Variants in TNRC6B observed in about 807,000 individuals in gnomAD.
TNRC6B encodes trinucleotide repeat containing adaptor 6B.
TNRC6B carries 52 observed loss-of-function variants against 203.6 expected under a neutral mutation model. The observed-to-expected ratio is 0.26, with a 90% CI of 0.20 to 0.32. The LOEUF is 0.32. Ranked by LOEUF, TNRC6B falls within the 10% of genes least tolerant of loss-of-function variation. TNRC6B has a pLI of 1.00. For synonymous variants in TNRC6B, 838 were observed against 845.7 expected (o/e 0.99, Z 0.16); for missense variants, 1,923 against 2,286.2 (o/e 0.84, Z 3.24).
At chr22:40,074,186 C>G (rs555199039) in intron 1 of TNRC6B, among the ~76,000 whole-genome samples, 1 of 146,316 alleles carries the variant, frequency 6.8e-6, no homozygotes, top group East Asian at 2.0e-4. Flanking sequence ...GAGCTGAGAT[C>G]ACACCACTGC....
intron 2 of TNRC6B, among the ~76,000 whole-genome samples, chr22:40,124,684 C>T (rs192328880): frequency 6.6e-6 from 1 of 151,918 alleles, no homozygotes. Flanking sequence ...ATATTCATAC[C>T]TGTATTATAA....
rs758870418 is a variant in TNRC6B, at chr22:40,321,206, C to T, written c.5091C>T (p.Ala1697=). ...LIRYSTKQEA[A]KAQTALHMCV... Reference sequence around the variant, plus strand: ...GATACAGCACCAAACAGGAGGCGGCCAAGGCCCAAACTGCACTGCACATGT... The same window carrying T: ...GATACAGCACCAAACAGGAGGCGGCTAAGGCCCAAACTGCACTGCACATGT... The change falls in exon 22 of 23, where the codon GCC becomes GCT. Residue 1697 remains alanine, a synonymous_variant. Transcript: ENST00000454349. 6.2e-7 allele frequency: 1 copy of T among 1,613,950 alleles called. No individual in the cohort carries two copies.
intron 19 of TNRC6B, among the ~76,000 whole-genome samples, chr22:40,314,953 G>A (rs907241365): frequency 6.6e-6 from 1 of 152,170 alleles, no homozygotes; most frequent in African/African-American, 2.4e-5. Flanking sequence ...TTACCCAGAA[G>A]CTGGTATCTT....
At position 40,323,323 on chromosome 22, in the gene TNRC6B, A is replaced by C; in HGVS notation, c.*82A>C. ...CTTGACCTTTTCGTTTTTTTTTTCA[A>C]CTTGCAATAAATACATTTTTAAAAG... On this transcript the variant is annotated 3_prime_UTR_variant, in exon 23 of 23. Transcript: ENST00000454349. The C allele has an allele frequency of 6.9e-7, 1 of 1,452,578 alleles. No homozygotes were observed. The allele number at this position is 1,452,578 out of a possible 1,614,324, so 90.0% of individuals were successfully genotyped here. A position where few individuals can be genotyped will look rare whatever the true frequency, so the allele number is the denominator to read the frequency against.
intron 4 of TNRC6B, among the ~76,000 whole-genome samples, chr22:40,262,964 C>T (rs547643541): frequency 6.6e-6 from 1 of 151,740 alleles, no homozygotes; most frequent in East Asian, 1.9e-4. Context: ...GGCGTCAACC[C>T]AGGAGGCGGA....
intron 5 of TNRC6B, among the ~76,000 whole-genome samples, chr22:40,269,484 CT>C (rs1289806644): frequency 6.6e-6 from 1 of 152,162 alleles, no homozygotes; most frequent in East Asian, 1.9e-4. Context: ...AACCAGTCCC[CT>C]TGTGGTGGAT....
At chr22:40,126,580 A>ATTTTTTTTTTTTTTTTTTTTTTTTT in intron 3 of TNRC6B, among the ~76,000 whole-genome samples, 1 of 88,784 alleles carries the variant, frequency 1.1e-5, no homozygotes, top group Non-Finnish European at 2.2e-5. Flanking sequence ...ACGTTATTTA[A>ATTTTTTTTTTTTTTTTTTTTTTTTT]TTTTTTTTTT....
chr22:40,182,018 AG>A (rs1227049666), intron 1 of TNRC6B, among the ~76,000 whole-genome samples: 2 of 150,616 alleles, frequency 1.3e-5, no homozygotes, highest in Non-Finnish European at 3.0e-5. Context: ...GGTCGAGGTG[AG>A]TGGATACGAG....
In TNRC6B at chr22:40,266,445, A is replaced by G; in HGVS notation, c.2215A>G (p.Asn739Asp). Residue 739 changes from asparagine to aspartate, a missense_variant, in exon 5 of 23, where the codon AAT becomes GAT. By Grantham distance (23) the Asn-to-Asp change is conservative. This residue lies in a region of TNRC6B where 599 missense variants were observed against 656.5 expected (regional missense o/e 0.91). Coordinates refer to ENST00000454349, the MANE Select transcript of TNRC6B (RefSeq NM_001162501.2). Reference protein sequence around the residue: ...DQGWGGGRQPNQGWSSGKNGW... With the variant: ...DQGWGGGRQPDQGWSSGKNGW... Reference sequence around the variant, plus strand: ...GGGGTGGGGAGGTGGACGCCAGCCCAATCAAGGATGGTCTTCTGGAAAGAA... The same window carrying G: ...GGGGTGGGGAGGTGGACGCCAGCCCGATCAAGGATGGTCTTCTGGAAAGAA... 2 of 1,613,868 alleles carry G rather than the reference A, an allele frequency of 1.2e-6. No individual in the cohort carries two copies. The highest frequency in any genetic ancestry group is 8.5e-7 in the Non-Finnish European group (1 of 1,179,826).
At chr22:40,151,239 C>T (rs2068749940) in intron 3 of TNRC6B, among the ~76,000 whole-genome samples, 1 of 151,704 alleles carries the variant, frequency 6.6e-6, no homozygotes, top group Admixed American at 6.6e-5. Flanking sequence ...CCACTGCACT[C>T]CAGCTTGGGC....
At chr22:40,124,877 G>A (rs1351916038) in intron 2 of TNRC6B, among the ~76,000 whole-genome samples, 2 of 151,964 alleles carry the variant, frequency 1.3e-5, no homozygotes, top group Non-Finnish European at 2.9e-5. Flanking sequence ...GCCGGGTGTG[G>A]TGGCAGGCGC....
intron 1 of TNRC6B, among the ~76,000 whole-genome samples, chr22:40,067,691 A>G (rs534732715): frequency 7.2e-5 from 11 of 152,272 alleles, no homozygotes; most frequent in Non-Finnish European, 1.6e-4. Flanking sequence ...TCTGATGTTC[A>G]AGAGCAGGAG....
At chr22:40,254,801 C>T (rs947364428) in intron 3 of TNRC6B, among the ~76,000 whole-genome samples, 2 of 152,102 alleles carry the variant, frequency 1.3e-5, no homozygotes, top group African/African-American at 2.4e-5. Flanking sequence ...GCAGGAGAAT[C>T]GCTTGAACCT....
At chr22:40,144,177 AAACG>A (rs1322843483) in intron 3 of TNRC6B, among the ~76,000 whole-genome samples, 1 of 152,240 alleles carries the variant, frequency 6.6e-6, no homozygotes, top group Non-Finnish European at 1.5e-5. Context: ...AAATAATGTT[AAACG>A]AACTTCCACC....
At chr22:40,054,314 T>C (rs1341959910) in intron 1 of TNRC6B, among the ~76,000 whole-genome samples, 1 of 152,178 alleles carries the variant, frequency 6.6e-6, no homozygotes, top group Non-Finnish European at 1.5e-5. Context: ...TCTGCCAGCG[T>C]CCCCTGCCTC....
At position 40,047,418 on chromosome 22, in the gene TNRC6B, A is replaced by G. The variant is rs144307587; in HGVS notation, c.-121+2420A>G. The stretch of plus-strand genomic sequence containing the variant: ...GGAGTTGGAGACCAGCGTGGCCAAC[A>G]TGGTGAAACCCCGTCTCTACTAAAA... On this transcript the variant is annotated intron_variant, in intron 1 of 23. Transcript: ENST00000301923. Among the ~76,000 whole-genome samples the G allele has an allele frequency of 1.4e-3, 205 of 147,776 alleles. 4 individuals carry two copies. In the East Asian group the frequency reaches 0.034, roughly 24 times the overall value.
intron 21 of TNRC6B, among the ~76,000 whole-genome samples, chr22:40,317,721 C>T (rs1025821829): frequency 2.0e-5 from 3 of 152,174 alleles, no homozygotes; most frequent in Non-Finnish European, 4.4e-5. Flanking sequence ...TGCACCAAGC[C>T]ACTCTGCCTT....
intron 1 of TNRC6B, among the ~76,000 whole-genome samples, chr22:40,100,390 AT>A (rs141373362): frequency 2.6e-5 from 4 of 151,182 alleles, no homozygotes; most frequent in African/African-American, 9.7e-5. Context: ...CGCCTGGCCT[AT>A]TTTTTAGAGA....
intron 1 of TNRC6B, among the ~76,000 whole-genome samples, chr22:40,238,838 C>T (rs1200702646): frequency 4.6e-5 from 7 of 152,172 alleles, no homozygotes; most frequent in Non-Finnish European, 8.8e-5. Context: ...CCTTTCTCCC[C>T]CACTGGGATG....
Sources: gnomAD v4.1 joint callset for allele counts (sites outside exome capture counted in the v4.1 genomes callset) on GRCh38, gnomAD v4.1.1 for gene constraint, gnomAD v4.1.1 regional missense constraint, MANE v1.5 for transcripts, NCBI Gene and HGNC (gene_info 2026-07-23, HGNC 2026-07-21) for gene names.